ABCB11: variants seen among roughly 807,000 people sequenced by gnomAD.
ABCB11 encodes ATP binding cassette subfamily B member 11, also known as bile salt export pump.
In ABCB11, 95 loss-of-function variants were observed where a neutral mutation model predicts 148.0. The ratio of observed to expected loss-of-function variants is 0.64; its 90% CI spans 0.54 to 0.76. ABCB11 has a LOEUF of 0.76. ABCB11 is among the 30% of genes least tolerant of loss of function. The pLI, the probability that ABCB11 is intolerant of heterozygous loss-of-function variation, is 0.00. For synonymous variants in ABCB11, 591 were observed against 555.4 expected (o/e 1.06, Z -0.90); for missense variants, 1,523 against 1,617.8 (o/e 0.94, Z 1.01).
chr2:168,977,618 C>T (rs115426658), intron 11 of ABCB11, among the ~76,000 whole-genome samples: 386 of 152,196 alleles, frequency 2.5e-3, no homozygotes, highest in African/African-American at 8.2e-3. Context: ...ATTTTCACAC[C>T]GCTATAAAGA....
rs1346048504 is a variant in ABCB11, at chr2:169,025,420, ATC to A, written c.-28+5803_-28+5804del. On this transcript the variant is annotated intron_variant, in intron 1 of 27. Coordinates refer to ENST00000650372, the MANE Select transcript of ABCB11 (RefSeq NM_003742.4). ...TGGTGTGAAGATGAAATGAAACTGT[ATC>A]TCTACAGCAGCCAGCAAAAGGGAGA... 3.9e-5 allele frequency among the ~76,000 whole-genome samples: 6 copies of A among 152,296 alleles called. No individual in the cohort carries two copies. In the East Asian group the frequency reaches 9.7e-4, roughly 25 times the overall value.
intron 2 of ABCB11, 143 bp downstream of exon 2, chr2:169,017,906 CA>C: frequency 2.5e-6 from 2 of 792,252 alleles, no homozygotes; most frequent in South Asian, 2.7e-5. Flanking sequence ...GAGAGCCACA[CA>C]GTTGTGTATA....
chr2:169,003,347 T>TGTGTGTGC (rs1423918284), intron 5 of ABCB11, among the ~76,000 whole-genome samples: 9 of 148,236 alleles, frequency 6.1e-5, no homozygotes, highest in African/African-American at 2.2e-4. Flanking sequence ...TGTGTGTGTG[T>TGTGTGTGC]GCATATATAT....
At position 168,958,018 on chromosome 2, in the gene ABCB11, A is replaced by C; in HGVS notation, c.2289T>G (p.Ala763=). 6.2e-7 allele frequency: 1 copy of C among 1,610,928 alleles called. No homozygotes were observed. ...PYMLVGSVGA[A]VNGTVTPLYA... is the part of the protein sequence containing the mutation. Reference sequence around the variant, plus strand: ...ACAAGGGTGTGACTGTCCCGTTCACAGCTGCACCCACAGACCCTACCAGCA... The same window carrying C: ...ACAAGGGTGTGACTGTCCCGTTCACCGCTGCACCCACAGACCCTACCAGCA... The change falls in exon 19 of 28, where the codon GCT becomes GCG. Residue 763 remains alanine (A), a synonymous_variant. Coordinates refer to ENST00000650372, the MANE Select transcript of ABCB11 (RefSeq NM_003742.4).
At chr2:168,965,870 G>C (rs1430525896) in intron 17 of ABCB11, among the ~76,000 whole-genome samples, 1 of 151,818 alleles carries the variant, frequency 6.6e-6, no homozygotes, top group Non-Finnish European at 1.5e-5. Context: ...TATCAACTGA[G>C]TTGCTCCAAT....
chr2:169,024,178 T>C (rs73024752), intron 1 of ABCB11, among the ~76,000 whole-genome samples: 6,565 of 152,140 alleles, frequency 0.043, 271 homozygotes, highest in African/African-American at 0.11. Context: ...ACATCTGGCA[T>C]GTGTACCCCA....
Position 168,971,815 on chromosome 2 carries a change from A to G in ABCB11, c.1638+32T>C, listed in dbSNP as rs2241340. 945,763 of 1,598,154 alleles carry G rather than the reference A, an allele frequency of 0.59. 281,704 individuals carry two copies. The highest frequency in any genetic ancestry group is 0.75 in the East Asian group (33,502 of 44,620). Reference sequence around the variant, plus strand: ...ACTTTTTTTCCTTCTATGACCTCTTAGTTTCTCCCAGGAATGTATGGCTAG... The same window carrying G: ...ACTTTTTTTCCTTCTATGACCTCTTGGTTTCTCCCAGGAATGTATGGCTAG... On this transcript the variant is annotated intron_variant, in intron 14 of 27. Coordinates refer to ENST00000650372, the MANE Select transcript of ABCB11 (RefSeq NM_003742.4).
intron 5 of ABCB11, among the ~76,000 whole-genome samples, chr2:169,012,303 C>G (rs184949116): frequency 3.3e-5 from 5 of 152,242 alleles, no homozygotes; most frequent in African/African-American, 1.2e-4. Context: ...GCATGAGGCA[C>G]ACTGCAAAGG....
At chr2:169,012,348 G>A (rs763752502) in intron 5 of ABCB11, among the ~76,000 whole-genome samples, 40 of 152,040 alleles carry the variant, frequency 2.6e-4, no homozygotes, top group Non-Finnish European at 4.7e-4. Context: ...CTGAGTACAC[G>A]ACAGACTCAC....
At chr2:169,000,791 T>C (rs149369459) in intron 5 of ABCB11, among the ~76,000 whole-genome samples, 330 of 152,284 alleles carry the variant, frequency 2.2e-3, no homozygotes, top group African/African-American at 7.6e-3. Context: ...TTTAGGGTAA[T>C]CTTTTCTATA....
intron 5 of ABCB11, among the ~76,000 whole-genome samples, chr2:169,010,907 A>C (rs1204723893): frequency 1.3e-5 from 2 of 152,200 alleles, no homozygotes; most frequent in Non-Finnish European, 2.9e-5. Flanking sequence ...TTTTAAAAAG[A>C]AAAGGACAAA....
chr2:168,929,003 A>C (rs1247685398), intron 25 of ABCB11, among the ~76,000 whole-genome samples: 1 of 152,070 alleles, frequency 6.6e-6, no homozygotes. Context: ...CCTTTTTCAA[A>C]ATTTTCTTAG....
In ABCB11 at chr2:168,921,857, CTTTTTCTTTTT is replaced by C. The variant is rs1691084235; in HGVS notation, c.*1754_*1764del. 7.4e-6 allele frequency among the ~76,000 whole-genome samples: 1 copy of C among 136,010 alleles called. No homozygotes were observed. Among genetic ancestry groups the C allele is most frequent in the African/African-American group, 3.1e-5 (1 of 32,520 alleles). The allele number at this position is 136,010 out of a possible 152,430, so 89.2% of individuals were successfully genotyped here. Reference sequence around the variant, plus strand: ...GGAGTCCTTGACCTCTTTTCTTTTTCTTTTTCTTTTTTTTTTTTTTTCGCTCTGTCGCCCAG... The same window carrying C: ...GGAGTCCTTGACCTCTTTTCTTTTTCTTTTTTTTTTCGCTCTGTCGCCCAG... On this transcript the variant is annotated 3_prime_UTR_variant, in exon 28 of 28. Transcript: ENST00000650372.
At chr2:168,945,935 C>T (rs763861415) in intron 19 of ABCB11, among the ~76,000 whole-genome samples, 1 of 151,824 alleles carries the variant, frequency 6.6e-6, no homozygotes, top group Non-Finnish European at 1.5e-5. Flanking sequence ...GAAGCTGAAA[C>T]ATTCCCCCAC....
At chr2:168,950,456 T>C (rs1176798878) in intron 19 of ABCB11, among the ~76,000 whole-genome samples, 1 of 151,694 alleles carries the variant, frequency 6.6e-6, no homozygotes, top group Non-Finnish European at 1.5e-5. Flanking sequence ...GTTGTTTTTA[T>C]ACTTTTTAAA....
At chr2:169,006,049 G>T (rs1695008869) in intron 5 of ABCB11, among the ~76,000 whole-genome samples, 1 of 152,032 alleles carries the variant, frequency 6.6e-6, no homozygotes, top group African/African-American at 2.4e-5. Context: ...AAACTATCAG[G>T]CCAGAATTAT....
intron 23 of ABCB11, among the ~76,000 whole-genome samples, chr2:168,934,175 G>C (rs1691712962): frequency 6.6e-6 from 1 of 152,172 alleles, no homozygotes; most frequent in Non-Finnish European, 1.5e-5. Context: ...AATGGTTTGT[G>C]TTTTCTAATT....
chr2:168,957,235 G>C (rs1258661653), intron 19 of ABCB11, among the ~76,000 whole-genome samples: 1 of 151,580 alleles, frequency 6.6e-6, no homozygotes, highest in East Asian at 2.0e-4. Flanking sequence ...TCCACCACTT[G>C]CTAGCCTAAG....
chr2:168,935,489 G>C, intron 22 of ABCB11, 64 bp from the exon 23 acceptor site: 2 of 1,546,960 alleles, frequency 1.3e-6, no homozygotes, highest in Non-Finnish European at 1.7e-6. Context: ...TGACATTTCA[G>C]TGGCTGCCTG....
Sources: allele counts gnomAD v4.1 joint callset (sites outside exome capture counted in the v4.1 genomes callset), GRCh38; gene constraint gnomAD v4.1.1; transcripts MANE v1.5; gene names NCBI Gene and HGNC (gene_info 2026-07-23, HGNC 2026-07-21).